Variants in TMEM8B observed in about 807,000 individuals in gnomAD.
The protein encoded by TMEM8B is nasopharyngeal carcinoma expressed 6.
A neutral mutation model predicts 49.3 loss-of-function variants in TMEM8B; 29 were observed. The observed-to-expected ratio is 0.59, with a 90% CI of 0.44 to 0.80. TMEM8B has a LOEUF of 0.80. Ranked by LOEUF, TMEM8B falls within the 30% of genes least tolerant of loss-of-function variation. The pLI, the probability that TMEM8B is intolerant of heterozygous loss-of-function variation, is 0.00. For synonymous variants in TMEM8B, 264 were observed against 272.8 expected (o/e 0.97, Z 0.32); for missense variants, 575 against 658.5 (o/e 0.87, Z 1.39).
intron 8 of TMEM8B, 39 bp downstream of exon 8, chr9:35,846,420 C>A: frequency 6.2e-7 from 1 of 1,601,316 alleles, no homozygotes. Context: ...GGGACCGGGA[C>A]TTGGCGGGGG....
intron 1 of TMEM8B, 44 bp downstream of exon 1, chr9:35,829,999 G>C (rs372640711): frequency 9.6e-6 from 4 of 414,776 alleles, no homozygotes; most frequent in African/African-American, 6.2e-5. Flanking sequence ...ATGGGGTTCC[G>C]GCAGGGAGGG....
Position 35,853,440 on chromosome 9 carries a change from T to C in TMEM8B, c.2440-65T>C. ...CCAGGATACAGAGGAAACCTGAGAG[T>C]GACCAGCTCTGGCTTGGGTTCCAGG... On this transcript the variant is annotated intron_variant, in intron 12 of 12. Coordinates refer to ENST00000643932, the MANE Select transcript of TMEM8B (RefSeq NM_001042590.4). The surrounding 1 kb of genome is among the most constrained non-coding windows in gnomAD (Gnocchi z 4.2). 6.4e-7 allele frequency: 1 copy of C among 1,557,154 alleles called. No individual in the cohort carries two copies. Among genetic ancestry groups the C allele is most frequent in the South Asian group, 1.2e-5 (1 of 82,508 alleles).
chr9:35,831,127 C>T (rs1829851110), intron 1 of TMEM8B, among the ~76,000 whole-genome samples: 1 of 152,208 alleles, frequency 6.6e-6, no homozygotes, highest in Non-Finnish European at 1.5e-5. Context: ...CGTGAAAGGT[C>T]ACAACCCCTG....
At chr9:35,845,366 C>A in intron 6 of TMEM8B, 5 of 981,762 alleles carry the variant, frequency 5.1e-6, no homozygotes, top group South Asian at 4.7e-5. Flanking sequence ...TGCCTCAAAT[C>A]CTTCTTGAAT....
chr9:35,832,861 C>T (rs1423293041), intron 1 of TMEM8B, among the ~76,000 whole-genome samples: 1 of 152,210 alleles, frequency 6.6e-6, no homozygotes, highest in Admixed American at 6.5e-5. Flanking sequence ...CCCGTCTCTT[C>T]CATCAGTCGG....
chr9:35,836,358 AG>A (rs943929371), intron 3 of TMEM8B, among the ~76,000 whole-genome samples: 41 of 152,212 alleles, frequency 2.7e-4, no homozygotes, highest in African/African-American at 8.7e-4. Flanking sequence ...ATCAGAACTG[AG>A]GGTTCTTCTG....
intron 3 of TMEM8B, 132 bp downstream of exon 3, chr9:35,835,350 C>T: frequency 2.5e-6 from 1 of 400,764 alleles, no homozygotes; most frequent in East Asian, 3.6e-5. Context: ...TGGGGCGGGG[C>T]ATGGCTAAAG....
rs1433994854 is a variant in TMEM8B at position 35,857,053 on chromosome 9, A to G, written c.*3213A>G. On this transcript the variant is annotated 3_prime_UTR_variant, in exon 13 of 13. Transcript: ENST00000643932. ...TTGAATACAGGGCTGTGGCTGGCAG[A>G]TATTGCTGTACCCTTGCATGTATCT... The G allele has an allele frequency of 6.6e-6, 1 of 152,194 alleles. No individual in the cohort carries two copies. The highest frequency in any genetic ancestry group is 1.5e-5 in the Non-Finnish European group (1 of 68,060). The allele number at this position is 152,194 out of a possible 1,614,324, so 9.4% of individuals were successfully genotyped here.
chr9:35,846,228 C>A (rs749294148), intron 7 of TMEM8B, 30 bp from the exon 8 acceptor site: 2 of 1,613,346 alleles, frequency 1.2e-6, no homozygotes, highest in East Asian at 2.2e-5. Flanking sequence ...CCCCTCCTCC[C>A]TCTCACTGAC....
intron 10 of TMEM8B, among the ~76,000 whole-genome samples, chr9:35,848,820 G>A (rs900341808): frequency 6.6e-5 from 10 of 151,846 alleles, no homozygotes; most frequent in African/African-American, 1.7e-4. Flanking sequence ...GACTACAGGC[G>A]CATGCCACCA....
chr9:35,832,052 C>T (rs1829952951), intron 1 of TMEM8B, among the ~76,000 whole-genome samples: 1 of 152,046 alleles, frequency 6.6e-6, no homozygotes, highest in Non-Finnish European at 1.5e-5. Flanking sequence ...TGGATCTTTT[C>T]CTTGGGCTTA....
chr9:35,853,666 GCTC>G lies in TMEM8B; in HGVS notation c.2602_2604del (p.Leu868del). The G allele has an allele frequency of 6.2e-7, 1 of 1,614,204 alleles. No homozygotes were observed. The highest frequency in any genetic ancestry group is 1.1e-5 in the South Asian group (1 of 91,084). On this transcript the variant is annotated inframe_deletion, in exon 13 of 13. Coordinates refer to ENST00000643932, the MANE Select transcript of TMEM8B (RefSeq NM_001042590.4). This position sits in a 1 kb window ranked among gnomAD's most constrained non-coding sequence, Gnocchi z 4.2. ...TCTACATTCACAGCATTTGGCATATGCTCATTGCGGGCAGTGTGGGCTTCCTGC... is the reference window on the plus strand; with the variant it reads ...TCTACATTCACAGCATTTGGCATATGATTGCGGGCAGTGTGGGCTTCCTGC...
Position 35,841,509 on chromosome 9 carries a change from A to G in TMEM8B, c.1041-17A>G, listed in dbSNP as rs1830985311. On this transcript the variant is annotated splice_polypyrimidine_tract_variant and intron_variant, in intron 4 of 12. Transcript: ENST00000643932. This position sits in a 1 kb window ranked among gnomAD's most constrained non-coding sequence, Gnocchi z 5.9. ...CTCTGTTTGTGCCTTCTTACCCCCA[A>G]CCTCTCCTCTGCCCAGGGTCTTTGT... is the stretch of plus-strand genomic sequence containing the variant. The G allele has an allele frequency of 2.4e-6, 1 of 415,176 alleles. No homozygotes were observed. Among genetic ancestry groups the G allele is most frequent in the Non-Finnish European group, 4.4e-6 (1 of 226,882 alleles). 25.7% of individuals were successfully genotyped at this position (415,176 alleles called of 1,614,324 possible). A position where few individuals can be genotyped will look rare whatever the true frequency, so the allele number is the denominator to read the frequency against.
Position 35,859,692 on chromosome 9 carries a change from G to A in TMEM8B, c.*5852G>A. ...CGCCAGGGTCAGGTACATCTGCAGG[G>A]CACAGCCAGGGAAGGAAATGGTCCT... On this transcript the variant is annotated 3_prime_UTR_variant, in exon 13 of 13. Coordinates refer to ENST00000643932, the MANE Select transcript of TMEM8B (RefSeq NM_001042590.4). 6.3e-6 allele frequency: 1 copy of A among 157,822 alleles called. No homozygotes were observed. 9.8% of individuals were successfully genotyped at this position (157,822 alleles called of 1,614,324 possible).
intron 10 of TMEM8B, 72 bp from the exon 11 acceptor site, chr9:35,852,755 C>A: frequency 6.3e-7 from 1 of 1,585,776 alleles, no homozygotes; most frequent in South Asian, 1.1e-5. Flanking sequence ...CACCCCTGGG[C>A]CCACCCCTCC....
At chr9:35,844,775 A>T (rs1831357000) in intron 6 of TMEM8B, among the ~76,000 whole-genome samples, 1 of 152,026 alleles carries the variant, frequency 6.6e-6, no homozygotes, top group Non-Finnish European at 1.5e-5. Context: ...GCAGCCCCTC[A>T]CCCTTTCCCT....
chr9:35,850,644 T>C (rs1170454875), intron 10 of TMEM8B, among the ~76,000 whole-genome samples: 2 of 152,258 alleles, frequency 1.3e-5, no homozygotes, highest in Non-Finnish European at 2.9e-5. Flanking sequence ...TCCATTTTTC[T>C]TTATTCTTCT....
chr9:35,846,499 G>T lies in TMEM8B; in HGVS notation c.1884G>T (p.Glu628Asp), dbSNP rs765003134. The T allele has an allele frequency of 1.2e-5, 19 of 1,597,630 alleles. No homozygotes were observed. Among genetic ancestry groups the T allele is most frequent in the Non-Finnish European group, 1.4e-5 (16 of 1,172,264 alleles). Reference protein sequence around the residue: ...RFVRCRNATAEVRMRTFLSPC... With the variant: ...RFVRCRNATADVRMRTFLSPC... The stretch of plus-strand genomic sequence containing the variant: ...TGCGGTGCCGCAACGCGACGGCCGA[G>T]GTGCGGATGCGCACCTTCCTGTCCC... The change falls in exon 9 of 13, where the codon GAG becomes GAT. Residue 628 changes from glutamate (E) to aspartate (D), a missense_variant. Coordinates refer to ENST00000643932, the MANE Select transcript of TMEM8B (RefSeq NM_001042590.4).
Position 35,846,554 on chromosome 9 carries a change from CAGT to C in TMEM8B, c.1940_1942del (p.Gln647_Cys648delinsArg). 1 of 1,575,946 alleles carries C rather than the reference CAGT, an allele frequency of 6.3e-7. No individual in the cohort carries two copies. Among genetic ancestry groups the C allele is most frequent in the Non-Finnish European group, 8.6e-7 (1 of 1,160,770 alleles). On this transcript the variant is annotated inframe_deletion, in exon 9 of 13. Transcript: ENST00000643932. ...CGTGGACGACTGCGGGCCCTACGGC[CAGT>C]GCAAGCTGCTGCGCACACACAATTA...
Sources: gnomAD v4.1 joint callset for allele counts (sites outside exome capture counted in the v4.1 genomes callset) on GRCh38, gnomAD v4.1.1 for gene constraint, Gnocchi (gnomAD v3.1) non-coding constraint, MANE v1.5 for transcripts, NCBI Gene and HGNC (gene_info 2026-07-23, HGNC 2026-07-21) for gene names.